The following ADRA1D variants were observed in gnomAD, a reference collection of about 807,000 sequenced individuals.
ADRA1D encodes the protein adrenoceptor alpha 1D.
In ADRA1D, 22 loss-of-function variants were observed where a neutral mutation model predicts 18.6. That is an observed-to-expected ratio of 1.19 (90% CI 0.85 to 1.69). The LOEUF (loss-of-function observed/expected upper bound fraction) is 1.69, where lower values mean the gene tolerates loss of function less well. Ranked by LOEUF, ADRA1D falls within the 40% of genes most tolerant of loss-of-function variation. The pLI, the probability that ADRA1D is intolerant of heterozygous loss-of-function variation, is 0.00. For missense variants in ADRA1D, 840 were observed against 840.7 expected (o/e 1.00, Z 0.01); for synonymous variants, 376 against 388.2 (o/e 0.97, Z 0.37).
chr20:4,236,395 C>T (rs1353963240), intron 1 of ADRA1D, among the ~76,000 whole-genome samples: 1 of 152,144 alleles, frequency 6.6e-6, no homozygotes, highest in Non-Finnish European at 1.5e-5. Flanking sequence ...GAAAACAGAA[C>T]AGACTGAGGG....
rs771136917 is a variant in ADRA1D at position 4,221,742 on chromosome 20, C to T, written c.1500G>A (p.Leu500=). 1.2e-6 allele frequency: 2 copies of T among 1,602,906 alleles called. No individual in the cohort carries two copies. Among genetic ancestry groups the T allele is most frequent in the East Asian group, 2.2e-5 (1 of 44,714 alleles). Residue 500 remains leucine (L), a synonymous_variant, in exon 2 of 2, where the codon CTG becomes CTA. Transcript: ENST00000379453. ...PPSAFREWRL[L]GPFRRPTTQL... ...GGGTCGTGGGTCTCCGGAACGGCCC[C>T]AGCAGCCTCCACTCGCGGAAGGCGC...
rs766806460 is a variant in ADRA1D, at chr20:4,222,174, G to A, written c.1112-44C>T. ...GATACTATTTAGCTGCTTGGGGAGGGGGAGGCCAGGCGGCTCTGGGCGCAA... is the reference window on the plus strand; with the variant it reads ...GATACTATTTAGCTGCTTGGGGAGGAGGAGGCCAGGCGGCTCTGGGCGCAA... On this transcript the variant is annotated intron_variant, in intron 1 of 1. Coordinates refer to ENST00000379453, the MANE Select transcript of ADRA1D (RefSeq NM_000678.4). The surrounding 1 kb of genome is among the most constrained non-coding windows in gnomAD (Gnocchi z 4.3). The A allele has an allele frequency of 9.5e-5, 151 of 1,587,102 alleles. No homozygotes were observed. The highest frequency in any genetic ancestry group is 1.3e-4 in the Non-Finnish European group (147 of 1,165,732).
intron 1 of ADRA1D, among the ~76,000 whole-genome samples, chr20:4,246,543 C>T (rs932790063): frequency 2.6e-5 from 4 of 152,132 alleles, no homozygotes; most frequent in East Asian, 1.9e-4. Context: ...CAGAGGGAAG[C>T]GGCAAGACCG....
intron 1 of ADRA1D, among the ~76,000 whole-genome samples, chr20:4,245,295 C>A (rs551671225): frequency 1.3e-5 from 2 of 152,140 alleles, no homozygotes; most frequent in Non-Finnish European, 2.9e-5. Context: ...AATTGAAGAA[C>A]GGTGATACGC....
Position 4,221,647 on chromosome 20 carries a change from G to A in ADRA1D, c.1595C>T (p.Ala532Val). 6.2e-7 allele frequency: 1 copy of A among 1,612,750 alleles called. No homozygotes were observed. Among genetic ancestry groups the A allele is most frequent in the Non-Finnish European group, 8.5e-7 (1 of 1,179,512 alleles). The change falls in exon 2 of 2, where the codon GCG (alanine) becomes GTG (valine). Residue 532 changes from alanine to valine, a missense_variant. Transcript: ENST00000379453. Reference protein sequence around the residue: ...RAGGAQRAEAACAQRSEVEAV... With the variant: ...RAGGAQRAEAVCAQRSEVEAV... ...CTCCACCTCTGAGCGCTGGGCGCACGCTGCCTCTGCGCGCTGCGCGCCCCC... is the reference window on the plus strand; with the variant it reads ...CTCCACCTCTGAGCGCTGGGCGCACACTGCCTCTGCGCGCTGCGCGCCCCC...
chr20:4,248,883 C>T lies in ADRA1D; in HGVS notation c.75G>A (p.Ala25=). 7.0e-6 allele frequency: 8 copies of T among 1,147,012 alleles called. No homozygotes were observed. Among genetic ancestry groups the T allele is most frequent in the Non-Finnish European group, 8.6e-6 (8 of 932,502 alleles). 71.1% of individuals were successfully genotyped at this position (1,147,012 alleles called of 1,614,324 possible). Residue 25 remains alanine, a synonymous_variant, in exon 1 of 2, where the codon GCG becomes GCA. Transcript: ENST00000379453. ...RPDSSAGGSS[A]GGGGGSAGGA... ...CGCCCGCGCTGCCCCCGCCGCCGCC[C>T]GCGCTGGAGCCCCCTGCGCTGCTGT...
At chr20:4,235,335 C>T (rs902619601) in intron 1 of ADRA1D, among the ~76,000 whole-genome samples, 1 of 152,228 alleles carries the variant, frequency 6.6e-6, no homozygotes, top group African/African-American at 2.4e-5. Context: ...AGCCATAGGC[C>T]TGTCCCGCAT....
chr20:4,235,041 G>A (rs946698935), intron 1 of ADRA1D, among the ~76,000 whole-genome samples: 4 of 152,194 alleles, frequency 2.6e-5, no homozygotes, highest in Admixed American at 1.3e-4. Flanking sequence ...GTGAAGACTC[G>A]AAGGGGTGAG....
rs375625588 is a variant in ADRA1D, at chr20:4,242,465, T to C, written c.1111+5382A>G. 7.2e-5 allele frequency among the ~76,000 whole-genome samples: 11 copies of C among 152,234 alleles called. No homozygotes were observed. The East Asian group carries it at 9.6e-4, about 13-fold the overall frequency. ...ACACTTCATGATGCATATCTGAATATTGACAGTTACAGTGCATCGTGATAA... is the reference window on the plus strand; with the variant it reads ...ACACTTCATGATGCATATCTGAATACTGACAGTTACAGTGCATCGTGATAA... On this transcript the variant is annotated intron_variant, in intron 1 of 1. Transcript: ENST00000379453.
chr20:4,225,989 G>A (rs1163368822), intron 1 of ADRA1D, among the ~76,000 whole-genome samples: 3 of 152,184 alleles, frequency 2.0e-5, no homozygotes, highest in Non-Finnish European at 4.4e-5. Context: ...CTCAATGGCC[G>A]CGAACTAAGA....
rs527301449 is a variant in ADRA1D, at chr20:4,232,862, A to T, written c.1112-10732T>A. The stretch of plus-strand genomic sequence containing the variant: ...TAGAGAAGGCCGGCCCCCTTGCCTC[A>T]GCACAGTCCAGTTCTGCCTTTCTTG... On this transcript the variant is annotated intron_variant, in intron 1 of 1. Transcript: ENST00000379453. Among the ~76,000 whole-genome samples the T allele has an allele frequency of 2.6e-5, 4 of 152,334 alleles. No homozygotes were observed. In the East Asian group the frequency reaches 7.7e-4, roughly 29 times the overall value.
In ADRA1D at chr20:4,221,667, G is replaced by A. The variant is rs1980667826; in HGVS notation, c.1575C>T (p.Gly525=). 1 of 1,612,616 alleles carries A rather than the reference G, an allele frequency of 6.2e-7. No homozygotes were observed. Among genetic ancestry groups the A allele is most frequent in the South Asian group, 1.1e-5 (1 of 91,026 alleles). ...SSLSHKIRAG[G]AQRAEAACAQ... is the part of the protein sequence containing the mutation. Reference sequence around the variant, plus strand: ...CGCACGCTGCCTCTGCGCGCTGCGCGCCCCCGGCGCGGATCTTGTGCGACA... The same window carrying A: ...CGCACGCTGCCTCTGCGCGCTGCGCACCCCCGGCGCGGATCTTGTGCGACA... The change falls in exon 2 of 2, where the codon GGC becomes GGT. Residue 525 remains glycine, a synonymous_variant. Coordinates refer to ENST00000379453, the MANE Select transcript of ADRA1D (RefSeq NM_000678.4).
At chr20:4,228,086 A>G (rs372202633) in intron 1 of ADRA1D, among the ~76,000 whole-genome samples, 22 of 151,978 alleles carry the variant, frequency 1.4e-4, no homozygotes, top group African/African-American at 5.3e-4. Flanking sequence ...TCTCTTCCTT[A>G]TCTGTACTTT....
In ADRA1D at chr20:4,239,261, T is replaced by C. The variant is rs573216227; in HGVS notation, c.1111+8586A>G. The stretch of plus-strand genomic sequence containing the variant: ...GTGATTCTGATGCCCAGATCTTTAA[T>C]GAATGGAGCAGGGTGATCAACAGTT... On this transcript the variant is annotated intron_variant, in intron 1 of 1. Transcript: ENST00000379453. This position sits in a 1 kb window ranked among gnomAD's most constrained non-coding sequence, Gnocchi z 4.9. Among the ~76,000 whole-genome samples, 12 of 152,172 alleles carry C rather than the reference T, an allele frequency of 7.9e-5. No homozygotes were observed. The highest frequency in any genetic ancestry group is 3.4e-3 in the Middle Eastern group (1 of 294).
rs1341833736 is a variant in ADRA1D at position 4,248,267 on chromosome 20, G to A, written c.691C>T (p.Pro231Ser). 6.2e-7 allele frequency: 1 copy of A among 1,608,666 alleles called. No individual in the cohort carries two copies. The highest frequency in any genetic ancestry group is 1.7e-5 in the Admixed American group (1 of 59,264). ...ACGGGCTCCTTCCAGCCCAGCAGGG[G>A]CCCTACGGACACCACCAGGGCTACG... ...WVVALVVSVG[P>S]LLGWKEPVPP... is the part of the protein sequence containing the mutation. Residue 231 changes from proline (P) to serine (S), a missense_variant, in exon 1 of 2, where the codon CCC (proline) becomes TCC (serine). By Grantham distance (74) the Pro-to-Ser change is moderately conservative. Coordinates refer to ENST00000379453, the MANE Select transcript of ADRA1D (RefSeq NM_000678.4).
intron 1 of ADRA1D, among the ~76,000 whole-genome samples, chr20:4,223,636 T>A (rs994497442): frequency 1.3e-5 from 2 of 152,192 alleles, no homozygotes; most frequent in African/African-American, 4.8e-5. Context: ...TTTACAATGG[T>A]GCAAAAGTGA....
chr20:4,243,602 A>G (rs970155990), intron 1 of ADRA1D, among the ~76,000 whole-genome samples: 2 of 152,118 alleles, frequency 1.3e-5, no homozygotes, highest in East Asian at 3.9e-4. Context: ...AAGGAACGGG[A>G]CTGTCCTGGG....
chr20:4,226,676 A>G (rs1479089301), intron 1 of ADRA1D, among the ~76,000 whole-genome samples: 1 of 152,208 alleles, frequency 6.6e-6, no homozygotes, highest in Non-Finnish European at 1.5e-5. Flanking sequence ...AAATGCAGGC[A>G]AGTGCTCTAA....
chr20:4,249,108 G>C lies in ADRA1D; in HGVS notation c.-151C>G, dbSNP rs1353404291. 18 of 620,122 alleles carry C rather than the reference G, an allele frequency of 2.9e-5. No homozygotes were observed. The East Asian group carries it at 1.4e-3, about 49-fold the overall frequency. 38.4% of individuals were successfully genotyped at this position (620,122 alleles called of 1,614,324 possible). ...CCAAGTTCCTGTGACGCGGAGCGCG[G>C]CTGTCCGAGAGCGGAGCTGCCTGGC... On this transcript the variant is annotated 5_prime_UTR_variant, in exon 1 of 2. Coordinates refer to ENST00000379453, the MANE Select transcript of ADRA1D (RefSeq NM_000678.4).
Sources: allele counts gnomAD v4.1 joint callset (sites outside exome capture counted in the v4.1 genomes callset), GRCh38; gene constraint gnomAD v4.1.1; non-coding constraint Gnocchi (gnomAD v3.1); transcripts MANE v1.5; gene names NCBI Gene and HGNC (gene_info 2026-07-23, HGNC 2026-07-21).